ASTN2: variants seen among roughly 807,000 people sequenced by gnomAD.
The protein encoded by ASTN2 is astrotactin 2.
A neutral mutation model predicts 139.8 loss-of-function variants in ASTN2; 54 were observed. The observed-to-expected ratio is 0.39, with a 90% CI of 0.31 to 0.48. The LOEUF (loss-of-function observed/expected upper bound fraction) is 0.48. ASTN2 is among the 20% of genes least tolerant of loss of function. ASTN2 has a pLI of 0.95. For synonymous variants in ASTN2, 756 were observed against 719.5 expected (o/e 1.05, Z -0.81); for missense variants, 1,565 against 1,725.1 (o/e 0.91, Z 1.64).
chr9:116,968,053 T>C (rs1034436856), intron 10 of ASTN2, among the ~76,000 whole-genome samples: 1 of 152,240 alleles, frequency 6.6e-6, no homozygotes, highest in Non-Finnish European at 1.5e-5. Context: ...ACATGTAATA[T>C]GCTGTACTAG....
At chr9:116,617,423 A>C (rs545318886) in intron 19 of ASTN2, among the ~76,000 whole-genome samples, 2 of 152,258 alleles carry the variant, frequency 1.3e-5, no homozygotes, top group Non-Finnish European at 2.9e-5. Flanking sequence ...CAGAGAAGGC[A>C]TCTTTCCTCT....
At chr9:116,461,757 C>T (rs991145319) in intron 20 of ASTN2, among the ~76,000 whole-genome samples, 3 of 152,130 alleles carry the variant, frequency 2.0e-5, no homozygotes, top group African/African-American at 7.2e-5. Flanking sequence ...TTCCTGCCAA[C>T]CTGTAGTAGG....
chr9:116,455,700 C>A (rs1848311595), intron 20 of ASTN2, among the ~76,000 whole-genome samples: 1 of 148,538 alleles, frequency 6.7e-6, no homozygotes, highest in Non-Finnish European at 1.5e-5. Context: ...ACTTTAACAG[C>A]AACAATAAAA....
In ASTN2 at chr9:117,010,156, C is replaced by T. The variant is rs184084109; in HGVS notation, c.1424-1897G>A. ...CCACATTTCAAGTTGGCCCTAAAGT[C>T]CTTGGCAGCTAAAGCAAAAATGGAA... is the stretch of plus-strand genomic sequence containing the variant. On this transcript the variant is annotated intron_variant, in intron 6 of 22. Transcript: ENST00000313400. 1.3e-3 allele frequency among the ~76,000 whole-genome samples: 192 copies of T among 152,156 alleles called. 1 individual carries two copies. Among genetic ancestry groups the T allele is most frequent in the Non-Finnish European group, 1.8e-3 (125 of 67,998 alleles).
intron 19 of ASTN2, among the ~76,000 whole-genome samples, chr9:116,531,762 T>C (rs182326847): frequency 2.6e-5 from 4 of 152,296 alleles, no homozygotes; most frequent in East Asian, 1.9e-4. Flanking sequence ...ATCCAATCTA[T>C]CACTGATGGA....
intron 20 of ASTN2, among the ~76,000 whole-genome samples, chr9:116,454,821 T>C (rs1361314960): frequency 6.6e-6 from 1 of 151,988 alleles, no homozygotes; most frequent in African/African-American, 2.4e-5. Context: ...TTCTCACTCA[T>C]AGGTGGGAAT....
chr9:117,232,260 T>C (rs1832915417), intron 2 of ASTN2, among the ~76,000 whole-genome samples: 1 of 152,196 alleles, frequency 6.6e-6, no homozygotes, highest in Non-Finnish European at 1.5e-5. Context: ...CTGGATAGTA[T>C]TAGGAAATGT....
At chr9:116,711,314 G>A (rs1828151826) in intron 16 of ASTN2, among the ~76,000 whole-genome samples, 1 of 152,180 alleles carries the variant, frequency 6.6e-6, no homozygotes, top group African/African-American at 2.4e-5. Context: ...GCCTAAAAAT[G>A]AGCAGCATAG....
At chr9:116,933,979 C>CTTGTTTTTTTTTTTTTT (rs1834986922) in intron 10 of ASTN2, among the ~76,000 whole-genome samples, 1 of 86,910 alleles carries the variant, frequency 1.2e-5, no homozygotes, top group East Asian at 6.0e-4. Flanking sequence ...AGTGTTAGTC[C>CTTGTTTTTTTTTTTTTT]TTTTTTTTTT....
At chr9:117,317,770 CTG>C (rs1228099748) in intron 1 of ASTN2, among the ~76,000 whole-genome samples, 3 of 152,188 alleles carry the variant, frequency 2.0e-5, no homozygotes, top group African/African-American at 7.2e-5. Context: ...CCAGGAAAAA[CTG>C]ATGAGAGGAT....
At chr9:117,149,585 T>G (rs1830281863) in intron 3 of ASTN2, among the ~76,000 whole-genome samples, 1 of 152,000 alleles carries the variant, frequency 6.6e-6, no homozygotes, top group Non-Finnish European at 1.5e-5. Context: ...GACATCTTAG[T>G]CCTAAGGTAC....
intron 2 of ASTN2, among the ~76,000 whole-genome samples, chr9:117,244,729 A>G (rs148359456): frequency 9.4e-6 from 1 of 106,576 alleles, no homozygotes; most frequent in Non-Finnish European, 1.8e-5. Context: ...GGAGGGAAGG[A>G]GGGAGTGAGG....
intron 5 of ASTN2, among the ~76,000 whole-genome samples, chr9:117,074,100 A>C (rs1350922596): frequency 6.6e-6 from 1 of 152,138 alleles, no homozygotes; most frequent in Non-Finnish European, 1.5e-5. Flanking sequence ...GAGGAAAAAA[A>C]AAAAGACCTT....
chr9:116,493,661 C>T (rs1849586996), intron 19 of ASTN2, among the ~76,000 whole-genome samples: 1 of 152,176 alleles, frequency 6.6e-6, no homozygotes, highest in Non-Finnish European at 1.5e-5. Context: ...TCCCCTCTCT[C>T]TCTCTTTCTC....
chr9:116,948,793 T>TTTTTG lies in ASTN2; in HGVS notation c.1889+26414_1889+26415insCAAAA, dbSNP rs1564355618. Among the ~76,000 whole-genome samples, 4 of 117,552 alleles carry TTTTTG rather than the reference T, an allele frequency of 3.4e-5. 1 individual carries two copies. In the South Asian group the frequency reaches 9.1e-4, roughly 27 times the overall value. The allele number at this position is 117,552 out of a possible 152,430, so 77.1% of individuals were successfully genotyped here. On this transcript the variant is annotated intron_variant, in intron 10 of 22. Transcript: ENST00000313400. ...GAGAGAAATAATTTGGTGTTTTTTT[T>TTTTTG]TTTTTTTTTTTTTTTTTGAGAAGGA...
chr9:117,298,613 A>T (rs1834791776), intron 1 of ASTN2, among the ~76,000 whole-genome samples: 1 of 151,082 alleles, frequency 6.6e-6, no homozygotes, highest in Admixed American at 6.6e-5. Context: ...ATTACTTCAT[A>T]TACATAGTTA....
At chr9:116,831,427 T>C (rs1196352478) in intron 11 of ASTN2, among the ~76,000 whole-genome samples, 1 of 152,098 alleles carries the variant, frequency 6.6e-6, no homozygotes, top group African/African-American at 2.4e-5. Context: ...AAGTCCTTCT[T>C]TAGAACATTT....
At chr9:116,837,699 G>A (rs79351240) in intron 11 of ASTN2, among the ~76,000 whole-genome samples, 2 of 140,322 alleles carry the variant, frequency 1.4e-5, no homozygotes, top group Admixed American at 7.3e-5. Flanking sequence ...TGAGCAGAAG[G>A]AAAAACAACC....
Position 116,996,944 on chromosome 9 carries a change from G to A in ASTN2, c.1591+11148C>T, listed in dbSNP as rs143396834. 3.9e-3 allele frequency among the ~76,000 whole-genome samples: 596 copies of A among 152,146 alleles called. 4 individuals are homozygous for A. Among genetic ancestry groups the A allele is most frequent in the African/African-American group, 0.014 (577 of 41,514 alleles). On this transcript the variant is annotated intron_variant, in intron 7 of 22. Transcript: ENST00000313400. ...ATTAAATATAGTCTCTAATTTAAATGTCAGTAGATTATATTTATGATGTTA... is the reference window on the plus strand; with the variant it reads ...ATTAAATATAGTCTCTAATTTAAATATCAGTAGATTATATTTATGATGTTA...
Sources: allele counts gnomAD v4.1 joint callset (sites outside exome capture counted in the v4.1 genomes callset), GRCh38; gene constraint gnomAD v4.1.1; transcripts MANE v1.5; gene names NCBI Gene and HGNC (gene_info 2026-07-23, HGNC 2026-07-21).